USP39: variants seen among roughly 807,000 people sequenced by gnomAD.
The protein encoded by USP39 is ubiquitin carboxyl-terminal hydrolase 39.
A neutral mutation model predicts 66.4 loss-of-function variants in USP39; 38 were observed. The observed-to-expected ratio is 0.57, with a 90% CI of 0.44 to 0.75. The LOEUF (loss-of-function observed/expected upper bound fraction) is 0.75. USP39 is among the 30% of genes least tolerant of loss of function. The pLI, the probability that USP39 is intolerant of heterozygous loss-of-function variation, is 0.00. For synonymous variants in USP39, 303 were observed against 274.6 expected (o/e 1.10, Z -1.02); for missense variants, 608 against 714.4 (o/e 0.85, Z 1.70).
At chr2:85,643,450 C>T (rs866657923) in intron 10 of USP39, among the ~76,000 whole-genome samples, 3 of 151,434 alleles carry the variant, frequency 2.0e-5, no homozygotes, top group South Asian at 2.1e-4. Context: ...AGATAGCTAG[C>T]GCCATTGCAC....
At chr2:85,616,038 G>A (rs763085270), upstream of USP39, 162 of 1,289,536 alleles carry the variant, frequency 1.3e-4, no homozygotes, top group Non-Finnish European at 1.5e-4. Context: ...GCCAGTGCAG[G>A]AACAGCACCG....
chr2:85,636,496 C>A (rs776249162), intron 7 of USP39, among the ~76,000 whole-genome samples: 1 of 151,966 alleles, frequency 6.6e-6, no homozygotes, highest in African/African-American at 2.4e-5. Flanking sequence ...GGTTATAGTC[C>A]CAATGATATT....
Position 85,625,551 on chromosome 2 carries a change from C to A in USP39, c.583C>A (p.Pro195Thr), listed in dbSNP as rs1399835730. The change falls in exon 5 of 13, where the codon CCC becomes ACC. Residue 195 changes from proline to threonine, a missense_variant. Physicochemically the swap from Pro to Thr is conservative, Grantham distance 38 (BLOSUM62 -1). This residue lies in a region of USP39 where 115 missense variants were observed against 198.6 expected (regional missense o/e 0.58). Transcript: ENST00000323701. ...TTTTGCTTTGCAGTATGTGTTGAAG[C>A]CCACTTTCACAAAGCAGCAAATTGC... ...SLEDITYVLK[P>T]TFTKQQIANL... 1 of 1,613,764 alleles carries A rather than the reference C, an allele frequency of 6.2e-7. No homozygotes were observed. The highest frequency in any genetic ancestry group is 1.3e-5 in the African/African-American group (1 of 74,920).
chr2:85,608,837 G>A (rs561558122), upstream of USP39: 31 of 1,480,564 alleles, frequency 2.1e-5, no homozygotes, highest in African/African-American at 8.3e-5. Context: ...GCAGCTCTGG[G>A]GGTCTCAAGA....
intron 5 of USP39, among the ~76,000 whole-genome samples, 181 bp from the exon 6 acceptor site, chr2:85,630,540 C>G (rs115161090): frequency 6.6e-6 from 1 of 152,216 alleles, no homozygotes; most frequent in African/African-American, 2.4e-5. Context: ...TGAAACTCAA[C>G]GTTAATGATA....
intron 1 of USP39, among the ~76,000 whole-genome samples, chr2:85,617,391 A>G (rs1473332192): frequency 6.6e-6 from 1 of 152,180 alleles, no homozygotes; most frequent in African/African-American, 2.4e-5. Flanking sequence ...ACAATTTTCC[A>G]TTAGTCTCTT....
chr2:85,625,943 G>A (rs1308581497), intron 5 of USP39, among the ~76,000 whole-genome samples: 3 of 151,992 alleles, frequency 2.0e-5, no homozygotes, highest in Non-Finnish European at 2.9e-5. Flanking sequence ...GCTTGAATCC[G>A]GGAGGCAGAG....
chr2:85,613,079 G>A (rs527581366), upstream of USP39, among the ~76,000 whole-genome samples: 1 of 152,178 alleles, frequency 6.6e-6, no homozygotes, highest in East Asian at 1.9e-4. Flanking sequence ...GGGACAAACG[G>A]CTGGATGCAG....
rs1449140867 is a variant in USP39, at chr2:85,625,633, C to T, written c.665C>T (p.Pro222Leu). The T allele has an allele frequency of 8.7e-6, 14 of 1,613,842 alleles. No individual in the cohort carries two copies. The highest frequency in any genetic ancestry group is 1.1e-5 in the Non-Finnish European group (13 of 1,179,936). ...GCATATGATGGTACCACTTACCTGC[C>T]GGGTATTGTGGGACTGAATAACATA... ...SRAYDGTTYL[P>L]GIVGLNNIKA... The change falls in exon 5 of 13, where the codon CCG (proline) becomes CTG (leucine). Residue 222 changes from proline (P) to leucine (L), a missense_variant. Pro to Leu is a moderately conservative substitution (Grantham distance 98). Coordinates refer to ENST00000323701, the MANE Select transcript of USP39 (RefSeq NM_006590.4).
chr2:85,641,682 G>A (rs183685207), intron 10 of USP39, among the ~76,000 whole-genome samples: 31 of 152,112 alleles, frequency 2.0e-4, no homozygotes, highest in African/African-American at 6.3e-4. Context: ...CAGCTGGATC[G>A]CTTGAGCTCA....
chr2:85,609,982 C>T (rs530058701), upstream of USP39, among the ~76,000 whole-genome samples: 96 of 150,794 alleles, frequency 6.4e-4, no homozygotes, highest in African/African-American at 2.2e-3. Context: ...CACCCAGCTG[C>T]CCCAATCTTC....
upstream of USP39, chr2:85,611,925 G>A: frequency 6.3e-7 from 1 of 1,588,930 alleles, no homozygotes; most frequent in East Asian, 2.3e-5. Flanking sequence ...CGTGGTTCAT[G>A]TCCAGCCGCC....
chr2:85,643,923 G>A lies in USP39; in HGVS notation c.1428-1025G>A, dbSNP rs560402500. On this transcript the variant is annotated intron_variant, in intron 10 of 12. Coordinates refer to ENST00000323701, the MANE Select transcript of USP39 (RefSeq NM_006590.4). ...CCGCCTCGGCCTCCCAAAGTGTTGG[G>A]ATTACAGGCATGAGCCACCGCACCT... Among the ~76,000 whole-genome samples, 14 of 152,278 alleles carry A rather than the reference G, an allele frequency of 9.2e-5. No individual in the cohort carries two copies. In the South Asian group the frequency reaches 2.7e-3, roughly 29 times the overall value.
Position 85,636,136 on chromosome 2 carries a change from T to C in USP39, c.1027+6T>C, listed in dbSNP as rs1424116916. 1.9e-6 allele frequency: 3 copies of C among 1,612,444 alleles called. No individual in the cohort carries two copies. Among genetic ancestry groups the C allele is most frequent in the South Asian group, 1.1e-5 (1 of 90,788 alleles). On this transcript the variant is annotated splice_donor_region_variant and intron_variant, in intron 7 of 12. Transcript: ENST00000323701. ...CACAAAGAAGAAAAAGAAGAGTAAG[T>C]CATTTACTTATAAAAAGGAGTTATT...
intron 6 of USP39, 41 bp from the exon 7 acceptor site, chr2:85,636,012 C>G: frequency 6.3e-7 from 1 of 1,593,918 alleles, no homozygotes; most frequent in Non-Finnish European, 8.6e-7. Context: ...AACTCTAATG[C>G]CACTTAGCTT....
rs1223023235 is a variant in USP39, at chr2:85,621,465, T to G, written c.339-20T>G. ...CCTACATGTCCATCCTATTTATTTT[T>G]TTCTGTTTTGTTTCCTTAGGAGTGT... is the stretch of plus-strand genomic sequence containing the variant. On this transcript the variant is annotated intron_variant, in intron 2 of 12. Coordinates refer to ENST00000323701, the MANE Select transcript of USP39 (RefSeq NM_006590.4). 6.2e-7 allele frequency: 1 copy of G among 1,611,090 alleles called. No individual in the cohort carries two copies. The highest frequency in any genetic ancestry group is 1.7e-5 in the Admixed American group (1 of 59,988).
upstream of USP39, chr2:85,611,349 T>G (rs575966261): frequency 2.1e-5 from 30 of 1,440,800 alleles, no homozygotes; most frequent in East Asian, 7.6e-4. Flanking sequence ...TGCTGGTCGC[T>G]CATCGCTGTG....
rs1297328200 is a variant in USP39 at position 85,630,838 on chromosome 2, A to G, written c.841A>G (p.Met281Val). 6.2e-7 allele frequency: 1 copy of G among 1,614,198 alleles called. No homozygotes were observed. The highest frequency in any genetic ancestry group is 1.7e-5 in the Admixed American group (1 of 60,016). ...GTTGGTCCAGCGTTTTGGAGAGCTG[A>G]TGAGAAAGCTCTGGAACCCTCGAAA... The part of the protein sequence containing the change: ...FLLVQRFGEL[M>V]RKLWNPRNFK... The change falls in exon 6 of 13, where the codon ATG (methionine) becomes GTG (valine). Residue 281 changes from methionine to valine, a missense_variant. Met to Val is a conservative substitution (Grantham distance 21). Transcript: ENST00000323701.
chr2:85,629,707 G>C (rs977501725), intron 5 of USP39, among the ~76,000 whole-genome samples: 2 of 151,874 alleles, frequency 1.3e-5, no homozygotes, highest in African/African-American at 4.8e-5. Context: ...ATGTTGGCCA[G>C]GCTGGTCTTG....
Sources: allele counts gnomAD v4.1 joint callset (sites outside exome capture counted in the v4.1 genomes callset), GRCh38; gene constraint gnomAD v4.1.1; regional missense constraint gnomAD v4.1.1; transcripts MANE v1.5; gene names NCBI Gene and HGNC (gene_info 2026-07-23, HGNC 2026-07-21).